Variants in BTD observed in about 807,000 individuals in gnomAD.
BTD encodes the protein biocytinase.
In BTD, 13 loss-of-function variants were observed where a neutral mutation model predicts 17.7. The ratio of observed to expected loss-of-function variants is 0.74; its 90% CI spans 0.48 to 1.17. BTD has a LOEUF of 1.17. Ranked by LOEUF, BTD falls within the 50% of genes most tolerant of loss-of-function variation. The pLI is 0.00. For synonymous variants in BTD, 240 were observed against 245.2 expected (o/e 0.98, Z 0.20); for missense variants, 674 against 650.4 (o/e 1.04, Z -0.39).
downstream of BTD, among the ~76,000 whole-genome samples, chr3:15,657,562 G>A (rs2065883358): frequency 6.6e-6 from 1 of 152,152 alleles, no homozygotes; most frequent in Non-Finnish European, 1.5e-5. Context: ...AGCTAATTAG[G>A]CTATTTATTA....
chr3:15,680,396 G>A (rs557996574), intron 3 of BTD, among the ~76,000 whole-genome samples: 26 of 151,934 alleles, frequency 1.7e-4, no homozygotes, highest in African/African-American at 5.8e-4. Flanking sequence ...TAGTAGACAC[G>A]GGGTTTCACC....
chr3:15,647,431 C>T lies in BTD; in HGVS notation c.*1943C>T, dbSNP rs1157407362. On this transcript the variant is annotated 3_prime_UTR_variant, in exon 4 of 4. Coordinates refer to ENST00000643237, the MANE Select transcript of BTD (RefSeq NM_001370658.1). ...ACATCTAATCAGCACCTGCAGGATC[C>T]TCATTCTGCCCTTCTGGGCAGAGCA... 1.3e-5 allele frequency: 2 copies of T among 152,230 alleles called. No individual in the cohort carries two copies. The highest frequency in any genetic ancestry group is 2.9e-5 in the Non-Finnish European group (2 of 68,040). The allele number at this position is 152,230 out of a possible 1,614,324, so 9.4% of individuals were successfully genotyped here.
At chr3:15,693,143 T>C (rs555048325) in intron 3 of BTD, among the ~76,000 whole-genome samples, 95 of 152,240 alleles carry the variant, frequency 6.2e-4, no homozygotes, top group Non-Finnish European at 1.2e-3. Flanking sequence ...GTTTTAGTTT[T>C]AACCTTTACA....
chr3:15,605,296 G>T (rs1021564388), intron 1 of BTD, among the ~76,000 whole-genome samples: 19 of 152,194 alleles, frequency 1.2e-4, no homozygotes, highest in African/African-American at 4.1e-4. Flanking sequence ...GAGAGTGTGT[G>T]CAGGGAAACT....
intron 3 of BTD, chr3:15,676,111 A>C (rs2066908975): frequency 4.7e-6 from 3 of 642,604 alleles, no homozygotes. Flanking sequence ...AAACTCGAGA[A>C]ACCTAGTCCT....
intron 1 of BTD, among the ~76,000 whole-genome samples, chr3:15,617,569 A>G (rs2064830982): frequency 6.6e-6 from 1 of 152,194 alleles, no homozygotes; most frequent in African/African-American, 2.4e-5. Flanking sequence ...TTTGTCAAAG[A>G]TGAGTTAACT....
exon 5 of BTD, among the ~76,000 whole-genome samples, chr3:15,722,024 C>T (rs79156468): frequency 0.021 from 3,122 of 152,220 alleles, 113 homozygotes; most frequent in African/African-American, 0.072. Context: ...CGATTACAGG[C>T]GTGAGACCCT....
At chr3:15,711,427 A>G (rs1223130559) in exon 4 of BTD, among the ~76,000 whole-genome samples, 1 of 152,210 alleles carries the variant, frequency 6.6e-6, no homozygotes, top group Non-Finnish European at 1.5e-5. Flanking sequence ...AGGCAATAGG[A>G]TACAATGGAG....
intron 4 of BTD, among the ~76,000 whole-genome samples, chr3:15,718,677 G>A (rs1220631667): frequency 6.6e-6 from 1 of 152,184 alleles, no homozygotes; most frequent in Non-Finnish European, 1.5e-5. Flanking sequence ...ACAGCATCAT[G>A]TGAACCAAAA....
intron 1 of BTD, among the ~76,000 whole-genome samples, chr3:15,622,773 T>C (rs1251835514): frequency 6.6e-6 from 1 of 152,256 alleles, no homozygotes; most frequent in African/African-American, 2.4e-5. Context: ...TATTTCTTGT[T>C]GAATTAACCC....
chr3:15,657,688 T>C (rs573069666), downstream of BTD, among the ~76,000 whole-genome samples: 70 of 152,294 alleles, frequency 4.6e-4, no homozygotes, highest in African/African-American at 1.6e-3. Context: ...TGGTCCCAGC[T>C]GCTTTTTTGC....
chr3:15,630,181 T>G (rs1479794222), intron 1 of BTD: 1 of 650,808 alleles, frequency 1.5e-6, no homozygotes, highest in Non-Finnish European at 1.9e-6. Flanking sequence ...TTCTGGGTCT[T>G]GTTTAACTGT....
rs371377512 is a variant in BTD, at chr3:15,677,861, C to T, written c.400-32199C>T. 1.3e-4 allele frequency among the ~76,000 whole-genome samples: 20 copies of T among 152,218 alleles called. No individual in the cohort carries two copies. In the South Asian group the frequency reaches 3.5e-3, roughly 27 times the overall value. On this transcript the variant is annotated intron_variant, in intron 3 of 3. Coordinates refer to the BTD transcript ENST00000672141. ...TTTAAAGTAATTTATTTAACCCTCA[C>T]AACAACACACCAAGTAGATACTGTT...
chr3:15,682,746 T>C (rs1488055558), intron 3 of BTD, among the ~76,000 whole-genome samples: 14 of 152,202 alleles, frequency 9.2e-5, no homozygotes, highest in Admixed American at 9.2e-4. Flanking sequence ...GTAAAAACCA[T>C]TTTACATATT....
intron 1 of BTD, among the ~76,000 whole-genome samples, chr3:15,605,725 G>A (rs2064429211): frequency 6.6e-6 from 1 of 152,102 alleles, no homozygotes; most frequent in Admixed American, 6.5e-5. Flanking sequence ...CTGCTTACCT[G>A]TCAAGTAAAA....
chr3:15,644,000 T>G (rs957737869), intron 3 of BTD, among the ~76,000 whole-genome samples: 1 of 149,880 alleles, frequency 6.7e-6, no homozygotes, highest in Non-Finnish European at 1.5e-5. Flanking sequence ...ATTTATTTAT[T>G]TATTTATTTA....
At position 15,642,055 on chromosome 3, in the gene BTD, G is replaced by C; in HGVS notation, c.397G>C (p.Glu133Gln). ...GGAGCCTCACCGCTTCAATGACACA[G>C]AGGTGATTCCTGCCTTTTTCCTCAG... is the stretch of plus-strand genomic sequence containing the variant. ...CLEPHRFNDTEVLQRLSCMAI... is the reference protein window; with the variant it reads ...CLEPHRFNDTQVLQRLSCMAI... Residue 133 changes from glutamate to glutamine, a missense_variant and splice_region_variant, in exon 3 of 4, where the codon GAG (glutamate) becomes CAG (glutamine). Coordinates refer to ENST00000643237, the MANE Select transcript of BTD (RefSeq NM_001370658.1). 4 of 1,614,088 alleles carry C rather than the reference G, an allele frequency of 2.5e-6. No homozygotes were observed. The highest frequency in any genetic ancestry group is 3.4e-6 in the Non-Finnish European group (4 of 1,180,016).
intron 3 of BTD, among the ~76,000 whole-genome samples, chr3:15,663,138 T>A (rs1043426275): frequency 1.3e-5 from 2 of 152,070 alleles, no homozygotes; most frequent in Non-Finnish European, 2.9e-5. Flanking sequence ...GCTGGGATTA[T>A]AGGCATGCGC....
chr3:15,658,424 C>T (rs565284630), downstream of BTD, among the ~76,000 whole-genome samples: 3 of 152,312 alleles, frequency 2.0e-5, no homozygotes, highest in East Asian at 3.9e-4. Flanking sequence ...GACAATGGAA[C>T]GTTTGGGTGC....
Sources: allele counts gnomAD v4.1 joint callset (sites outside exome capture counted in the v4.1 genomes callset), GRCh38; gene constraint gnomAD v4.1.1; transcripts MANE v1.5; gene names NCBI Gene and HGNC (gene_info 2026-07-23, HGNC 2026-07-21).